The following FAT3 variants were observed in gnomAD, a reference collection of about 807,000 sequenced individuals.
FAT3 encodes FAT atypical cadherin 3.
A neutral mutation model predicts 310.2 loss-of-function variants in FAT3; 95 were observed. The observed-to-expected ratio is 0.31, with a 90% CI of 0.26 to 0.36. The LOEUF (loss-of-function observed/expected upper bound fraction) is 0.36, where lower values mean the gene tolerates loss of function less well. Among genes scored for constraint, FAT3 ranks in the 10% least tolerant of loss-of-function variants. The probability of loss-of-function intolerance (pLI) is 1.00; values close to 1 mark genes in which losing one functional copy is unlikely to be tolerated. For missense variants in FAT3, 5,408 were observed against 5,715.6 expected (o/e 0.95, Z 1.74); for synonymous variants, 2,314 against 2,192.9 (o/e 1.06, Z -1.54).
At chr11:92,644,492 C>T (rs543195541) in intron 3 of FAT3, among the ~76,000 whole-genome samples, 5 of 152,170 alleles carry the variant, frequency 3.3e-5, no homozygotes, top group Non-Finnish European at 5.9e-5. Flanking sequence ...CCCCGCCCCC[C>T]CGATAACTCT....
chr11:92,271,549 C>A (rs550500524), intron 1 of FAT3, among the ~76,000 whole-genome samples: 2 of 152,236 alleles, frequency 1.3e-5, no homozygotes, highest in Admixed American at 1.3e-4. Context: ...TCTTCTACTG[C>A]ACAAGCTTAA....
intron 3 of FAT3, among the ~76,000 whole-genome samples, chr11:92,652,684 A>T (rs1942423102): frequency 6.6e-6 from 1 of 152,192 alleles, no homozygotes; most frequent in African/African-American, 2.4e-5. Flanking sequence ...GAGTCTAAAG[A>T]CACCGGGGCT....
At position 92,697,389 on chromosome 11, in the gene FAT3, A is replaced by G. The variant is rs1299990134; in HGVS notation, c.3613A>G (p.Ile1205Val). 6.2e-7 allele frequency: 1 copy of G among 1,613,850 alleles called. No homozygotes were observed. The highest frequency in any genetic ancestry group is 8.5e-7 in the Non-Finnish European group (1 of 1,179,810). Residue 1205 changes from isoleucine to valine, a missense_variant, in exon 4 of 28, where the codon ATT becomes GTT. Ile to Val is a conservative substitution (Grantham distance 29, BLOSUM62 3). Coordinates refer to ENST00000525166, the MANE Select transcript of FAT3 (RefSeq NM_001367949.2). ...ATATTCTCATTTCTACACAGGTCTG[A>G]TTACAACAACTTCAAGGAAATTGGA... ...FFAINIKTGL[I>V]TTTSRKLDRE...
chr11:92,617,518 G>A (rs183913529), intron 3 of FAT3, among the ~76,000 whole-genome samples: 301 of 152,212 alleles, frequency 2.0e-3, no homozygotes, highest in African/African-American at 5.3e-3. Flanking sequence ...ACTTTGTTCC[G>A]TTGCTGGAGG....
chr11:92,696,929 G>A (rs1038498539), intron 3 of FAT3, among the ~76,000 whole-genome samples: 1 of 152,096 alleles, frequency 6.6e-6, no homozygotes, highest in East Asian at 1.9e-4. Context: ...AACATTCTTT[G>A]TCAAGTATAA....
chr11:92,551,941 T>C lies in FAT3; in HGVS notation c.3607+26993T>C, dbSNP rs114514688. On this transcript the variant is annotated intron_variant, in intron 3 of 27. Transcript: ENST00000525166. ...TAGAGCAGGCTTCCTGCCTTTGGTATGCTCAGATAAATTAATTTGACTGTT... is the reference window on the plus strand; with the variant it reads ...TAGAGCAGGCTTCCTGCCTTTGGTACGCTCAGATAAATTAATTTGACTGTT... Among the ~76,000 whole-genome samples, 612 of 152,362 alleles carry C rather than the reference T, an allele frequency of 4.0e-3. 5 individuals are homozygous for C. The highest frequency in any genetic ancestry group is 0.014 in the African/African-American group (589 of 41,590).
At chr11:92,876,166 C>G (rs748813613) in intron 22 of FAT3, among the ~76,000 whole-genome samples, 1 of 152,192 alleles carries the variant, frequency 6.6e-6, no homozygotes, top group South Asian at 2.1e-4. Context: ...GGACTCCCCC[C>G]ATTCCTGACT....
intron 22 of FAT3, among the ~76,000 whole-genome samples, chr11:92,871,910 A>G (rs540655865): frequency 1.3e-5 from 2 of 152,330 alleles, no homozygotes; most frequent in African/African-American, 2.4e-5. Context: ...ATTCCAGGAA[A>G]GGTAAACAGA....
At chr11:92,596,913 C>T (rs112338278) in intron 3 of FAT3, among the ~76,000 whole-genome samples, 16 of 152,208 alleles carry the variant, frequency 1.1e-4, no homozygotes, top group African/African-American at 3.4e-4. Flanking sequence ...GGATTTTGTT[C>T]TCTTTCCTTT....
At chr11:92,777,142 A>G (rs1276963311) in intron 7 of FAT3, among the ~76,000 whole-genome samples, 1 of 152,178 alleles carries the variant, frequency 6.6e-6, no homozygotes, top group Non-Finnish European at 1.5e-5. Context: ...TCACCATATA[A>G]CTAAATAAAT....
intron 1 of FAT3, among the ~76,000 whole-genome samples, chr11:92,307,258 A>G (rs537227743): frequency 7.3e-5 from 11 of 150,596 alleles, no homozygotes; most frequent in Non-Finnish European, 1.5e-4. Context: ...GCCCGTTTAC[A>G]TCCTGGCTCA....
chr11:92,411,776 G>T (rs1950275389), intron 2 of FAT3, among the ~76,000 whole-genome samples: 1 of 151,390 alleles, frequency 6.6e-6, no homozygotes, highest in Non-Finnish European at 1.5e-5. Context: ...AATTCATCGT[G>T]TCTTCTCAAA....
intron 2 of FAT3, among the ~76,000 whole-genome samples, chr11:92,473,491 T>C (rs1007330000): frequency 1.3e-5 from 2 of 152,222 alleles, no homozygotes; most frequent in Non-Finnish European, 2.9e-5. Context: ...TTGAGAGTAT[T>C]TGGAACATCA....
At chr11:92,235,838 G>A (rs1864395273) in intron 1 of FAT3, among the ~76,000 whole-genome samples, 1 of 152,156 alleles carries the variant, frequency 6.6e-6, no homozygotes, top group African/African-American at 2.4e-5. Context: ...CATCAAGAGG[G>A]CATGTTGGAT....
chr11:92,809,873 G>T lies in FAT3; in HGVS notation c.9278G>T (p.Arg3093Leu). Residue 3093 changes from arginine (R) to leucine (L), a missense_variant, in exon 13 of 28, where the codon CGG (arginine) becomes CTG (leucine). This residue lies in a region of FAT3 where 4,588 missense variants were observed against 4,809.8 expected (regional missense o/e 0.95). Coordinates refer to ENST00000525166, the MANE Select transcript of FAT3 (RefSeq NM_001367949.2). ...GELKTLALLD[R>L]ERIPVYSLMA... ...TTAAAAACCTTGGCTCTGTTGGACCGGGAGAGGATCCCCGTGTACAGCCTG... is the reference window on the plus strand; with the variant it reads ...TTAAAAACCTTGGCTCTGTTGGACCTGGAGAGGATCCCCGTGTACAGCCTG... The T allele has an allele frequency of 6.2e-7, 1 of 1,613,876 alleles. No homozygotes were observed. The highest frequency in any genetic ancestry group is 8.5e-7 in the Non-Finnish European group (1 of 1,179,810).
At chr11:92,280,759 G>A (rs193096780) in intron 1 of FAT3, among the ~76,000 whole-genome samples, 19 of 152,230 alleles carry the variant, frequency 1.2e-4, no homozygotes, top group Non-Finnish European at 2.4e-4. Flanking sequence ...CCCTCACCCA[G>A]CACACATATA....
At chr11:92,450,340 A>G (rs887660337) in intron 2 of FAT3, among the ~76,000 whole-genome samples, 10 of 152,214 alleles carry the variant, frequency 6.6e-5, no homozygotes, top group African/African-American at 1.9e-4. Context: ...CTTGAAGGGT[A>G]GGACCCTACT....
chr11:92,595,618 A>C (rs1939665461), intron 3 of FAT3, among the ~76,000 whole-genome samples: 1 of 152,218 alleles, frequency 6.6e-6, no homozygotes, highest in South Asian at 2.1e-4. Flanking sequence ...CACATAATGA[A>C]GTAATAATTA....
intron 1 of FAT3, among the ~76,000 whole-genome samples, chr11:92,346,018 A>G (rs192693128): frequency 1.3e-5 from 2 of 152,192 alleles, no homozygotes; most frequent in Admixed American, 1.3e-4. Context: ...TATCTTATAC[A>G]TTCTCTAGCT....
Sources: allele counts gnomAD v4.1 joint callset (sites outside exome capture counted in the v4.1 genomes callset), GRCh38; gene constraint gnomAD v4.1.1; regional missense constraint gnomAD v4.1.1; transcripts MANE v1.5; gene names NCBI Gene and HGNC (gene_info 2026-07-23, HGNC 2026-07-21).